Variants in ODAD4 observed in about 807,000 individuals in gnomAD.
ODAD4 encodes outer dynein arm docking complex subunit 4.
A neutral mutation model predicts 51.8 loss-of-function variants in ODAD4; 49 were observed. The observed-to-expected ratio is 0.95, with a 90% CI of 0.75 to 1.20. The LOEUF (loss-of-function observed/expected upper bound fraction) is 1.20. ODAD4 is among the 50% of genes most tolerant of loss of function. The probability of loss-of-function intolerance (pLI) is 0.00; values close to 1 mark genes in which losing one functional copy is unlikely to be tolerated. For missense variants in ODAD4, 590 were observed against 586.5 expected (o/e 1.01, Z -0.06); for synonymous variants, 235 against 221.3 (o/e 1.06, Z -0.55).
chr17:41,963,059 ACT>A (rs1431157807), intron 11 of ODAD4, among the ~76,000 whole-genome samples: 21 of 151,870 alleles, frequency 1.4e-4, no homozygotes, highest in African/African-American at 4.6e-4. Context: ...GTGGAGAGAG[ACT>A]CTGCGGGGAA....
In ODAD4 at chr17:41,930,759, C is replaced by T. The variant is rs782183745; in HGVS notation, c.36C>T (p.Thr12=). 1 of 1,611,504 alleles carries T rather than the reference C, an allele frequency of 6.2e-7. No homozygotes were observed. Among genetic ancestry groups the T allele is most frequent in the African/African-American group, 1.3e-5 (1 of 75,030 alleles). ...SDPEGETLRS[T]FPSYMAEGER... is the part of the protein sequence containing the mutation. ...CCGAAGGCGAGACCTTGCGAAGCACCTTTCCCTCTTATATGGCCGAAGGCG... is the reference window on the plus strand; with the variant it reads ...CCGAAGGCGAGACCTTGCGAAGCACTTTTCCCTCTTATATGGCCGAAGGCG... Residue 12 remains threonine (T), a synonymous_variant, in exon 1 of 12, where the codon ACC becomes ACT. Coordinates refer to ENST00000377540, the MANE Select transcript of ODAD4 (RefSeq NM_031421.5).
In ODAD4 at chr17:41,944,391, TACACACACACACACAC is replaced by T. The variant is rs1158342629; in HGVS notation, c.1059-706_1059-691del. Among the ~76,000 whole-genome samples the T allele has an allele frequency of 2.0e-3, 155 of 78,760 alleles. 4 individuals are homozygous for T. Among genetic ancestry groups the T allele is most frequent in the African/African-American group, 8.0e-3 (120 of 15,082 alleles). The allele number at this position is 78,760 out of a possible 152,430, so 51.7% of individuals were successfully genotyped here. A position where few individuals can be genotyped will look rare whatever the true frequency, so the allele number is the denominator to read the frequency against. On this transcript the variant is annotated intron_variant, in intron 7 of 11. Coordinates refer to ENST00000377540, the MANE Select transcript of ODAD4 (RefSeq NM_031421.5). ...AAAACAAACAAACCCCAAACACACA[TACACACACACACACAC>T]ACACACACACACACACACACACACA...
Position 41,939,069 on chromosome 17 carries a change from G to A in ODAD4, c.955G>A (p.Val319Ile), listed in dbSNP as rs1555638350. ...KEEVPNKDELVGNLYSCIGNA... is the reference protein window; with the variant it reads ...KEEVPNKDELIGNLYSCIGNA... ...AGAGGTACCCAACAAGGATGAACTG[G>A]TTGGAAACTTGTATAGCTGCATAGG... The change falls in exon 7 of 12, where the codon GTT (valine) becomes ATT (isoleucine). Residue 319 changes from valine (V) to isoleucine (I), a missense_variant. Coordinates refer to ENST00000377540, the MANE Select transcript of ODAD4 (RefSeq NM_031421.5). 1 of 1,613,998 alleles carries A rather than the reference G, an allele frequency of 6.2e-7. No individual in the cohort carries two copies. Among genetic ancestry groups the A allele is most frequent in the South Asian group, 1.1e-5 (1 of 91,070 alleles).
Position 41,944,445 on chromosome 17 carries a change from C to CACACACACACA in ODAD4, c.1059-691_1059-690insACACACACACA, listed in dbSNP as rs879985039. Among the ~76,000 whole-genome samples, 3 of 3,520 alleles carry CACACACACACA rather than the reference C, an allele frequency of 8.5e-4. 1 individual carries two copies. Among genetic ancestry groups the CACACACACACA allele is most frequent in the African/African-American group, 1.4e-3 (2 of 1,444 alleles). 2.3% of individuals were successfully genotyped at this position (3,520 alleles called of 152,430 possible). A position where few individuals can be genotyped will look rare whatever the true frequency, so the allele number is the denominator to read the frequency against. The stretch of plus-strand genomic sequence containing the variant: ...ACACACACACACACACACACACACA[C>CACACACACACA]CCCCCCGCATACACAGAAATTGCCT... On this transcript the variant is annotated intron_variant, in intron 7 of 11. Transcript: ENST00000377540.
intron 1 of ODAD4, among the ~76,000 whole-genome samples, chr17:41,934,038 C>CTTTTTTTTTTTTT (rs782039270): frequency 1.2e-4 from 8 of 65,496 alleles, no homozygotes; most frequent in African/African-American, 2.7e-4. Flanking sequence ...TTCTTTCTTT[C>CTTTTTTTTTTTTT]TTTTTTTTTT....
At chr17:41,933,031 C>T (rs2050372580) in intron 1 of ODAD4, among the ~76,000 whole-genome samples, 1 of 151,400 alleles carries the variant, frequency 6.6e-6, no homozygotes, top group South Asian at 2.1e-4. Flanking sequence ...CCCTTTCAGT[C>T]ACCAACCACA....
In ODAD4 at chr17:41,965,894, G is replaced by A. The variant is rs1555642663; in HGVS notation, c.*411G>A. 6.6e-6 allele frequency among the ~76,000 whole-genome samples: 1 copy of A among 152,150 alleles called. No individual in the cohort carries two copies. Among genetic ancestry groups the A allele is most frequent in the South Asian group, 2.1e-4 (1 of 4,828 alleles). ...GGGGAGGCTTTATGGATGGAACAGTGGTGGGGCGGCCCCAGCTGTCACAGG... is the reference window on the plus strand; with the variant it reads ...GGGGAGGCTTTATGGATGGAACAGTAGTGGGGCGGCCCCAGCTGTCACAGG... On this transcript the variant is annotated 3_prime_UTR_variant, in exon 12 of 12. Transcript: ENST00000377540.
Position 41,935,645 on chromosome 17 carries a change from A to G in ODAD4, c.293A>G (p.Glu98Gly), listed in dbSNP as rs1555637651. The change falls in exon 3 of 12, where the codon GAG becomes GGG. Residue 98 changes from glutamate (E) to glycine (G), a missense_variant. Transcript: ENST00000377540. ...ACACTGTACACCATGGGAGACTTTG[A>G]GTTTGCCTTGGTATTCTATCATCGA... is the stretch of plus-strand genomic sequence containing the variant. ...AETLYTMGDF[E>G]FALVFYHRGY... 3 of 1,613,384 alleles carry G rather than the reference A, an allele frequency of 1.9e-6. No homozygotes were observed. The Admixed American group carries it at 5.0e-5, about 27-fold the overall frequency.
intron 7 of ODAD4, among the ~76,000 whole-genome samples, chr17:41,939,742 A>C (rs1442611950): frequency 1.3e-5 from 2 of 152,176 alleles, no homozygotes; most frequent in African/African-American, 4.8e-5. Context: ...AGGGGCCAAG[A>C]GGAGGCTGAA....
At chr17:41,935,141 T>G in intron 1 of ODAD4, 76 bp from the exon 2 acceptor site, 1 of 1,573,946 alleles carries the variant, frequency 6.4e-7, no homozygotes. Flanking sequence ...TGCAGGAGGG[T>G]TTGGGCTGCC....
intron 5 of ODAD4, 200 bp downstream of exon 5, chr17:41,937,127 A>G (rs1719029600): frequency 1.7e-6 from 1 of 593,200 alleles, no homozygotes. Flanking sequence ...TAGGTAGGCA[A>G]TGACATGGCT....
At chr17:41,935,885 C>A in intron 3 of ODAD4, 136 bp downstream of exon 3, 2 of 1,083,102 alleles carry the variant, frequency 1.8e-6, no homozygotes, top group Non-Finnish European at 2.6e-6. Flanking sequence ...TTGGCTGCTG[C>A]AGTGTTGTTG....
chr17:41,935,542 A>G (rs1555637613), intron 2 of ODAD4, 57 bp from the exon 3 acceptor site: 5 of 1,570,612 alleles, frequency 3.2e-6, no homozygotes, highest in Non-Finnish European at 4.3e-6. Flanking sequence ...GTTCCACCAC[A>G]TGTGAGTCCT....
chr17:41,955,309 A>C lies in ODAD4; in HGVS notation c.1435A>C (p.Ile479Leu). Residue 479 changes from isoleucine (I) to leucine (L), a missense_variant, in exon 10 of 12, where the codon ATC (isoleucine) becomes CTC (leucine). By Grantham distance (5) the Ile-to-Leu change is conservative. This residue lies in a region of ODAD4 where 226 missense variants were observed against 162.7 expected (regional missense o/e 1.39). Coordinates refer to ENST00000377540, the MANE Select transcript of ODAD4 (RefSeq NM_031421.5). ...LVHNNEAQQAIISALDDANKG... is the reference protein window; with the variant it reads ...LVHNNEAQQALISALDDANKG... ...GCATAACAACGAGGCGCAGCAGGCC[A>C]TCATCAGTGTGAGCCTTTCCACCCG... 1.3e-6 allele frequency: 1 copy of C among 778,030 alleles called. No individual in the cohort carries two copies. The highest frequency in any genetic ancestry group is 2.4e-6 in the Non-Finnish European group (1 of 416,964). The allele number at this position is 778,030 out of a possible 1,614,324, so 48.2% of individuals were successfully genotyped here.
intron 9 of ODAD4, chr17:41,954,958 A>G: frequency 1.8e-6 from 1 of 561,698 alleles, no homozygotes; most frequent in Non-Finnish European, 3.3e-6. Context: ...AGACTGCACC[A>G]CAGTCCCCTT....
rs1555638378 is a variant in ODAD4 at position 41,939,161 on chromosome 17, C to T, written c.1047C>T (p.Ile349=). ...ALQSHRKDLE[I]AKEYDLPDAK... Reference sequence around the variant, plus strand: ...AGAGCCACAGAAAGGACCTGGAGATCGCCAAGGAATAGTGAGTGCCCTAGG... The same window carrying T: ...AGAGCCACAGAAAGGACCTGGAGATTGCCAAGGAATAGTGAGTGCCCTAGG... Residue 349 remains isoleucine (I), a synonymous_variant, in exon 7 of 12, where the codon ATC becomes ATT. Transcript: ENST00000377540. 3.7e-6 allele frequency: 6 copies of T among 1,613,452 alleles called. No homozygotes were observed. The highest frequency in any genetic ancestry group is 2.2e-5 in the East Asian group (1 of 44,882).
At chr17:41,945,467 A>G (rs2050573360) in intron 8 of ODAD4, among the ~76,000 whole-genome samples, 1 of 151,990 alleles carries the variant, frequency 6.6e-6, no homozygotes, top group African/African-American at 2.4e-5. Context: ...AGACATGATC[A>G]CACTACTGCA....
intron 5 of ODAD4, among the ~76,000 whole-genome samples, chr17:41,937,294 C>T (rs543231593): frequency 4.7e-4 from 72 of 152,302 alleles, no homozygotes; most frequent in African/African-American, 1.7e-3. Flanking sequence ...AGGAATCCAG[C>T]GGATATGTGC....
chr17:41,936,886 A>G lies in ODAD4; in HGVS notation c.584A>G (p.Tyr195Cys), dbSNP rs367688207. 1.9e-6 allele frequency: 3 copies of G among 1,613,860 alleles called. No individual in the cohort carries two copies. Among genetic ancestry groups the G allele is most frequent in the African/African-American group, 2.7e-5 (2 of 74,934 alleles). ...KTVRQLLGEL[Y>C]VDKEYLEKLL... is the part of the protein sequence containing the mutation. ...GTCCGCCAGCTTCTGGGGGAGCTCT[A>G]CGTGGACAAAGAGTATTTGGAGAAG... Residue 195 changes from tyrosine (Y) to cysteine (C), a missense_variant, in exon 5 of 12, where the codon TAC (tyrosine) becomes TGC (cysteine). Physicochemically the swap from Tyr to Cys is radical, Grantham distance 194. This residue lies in a region of ODAD4 where 360 missense variants were observed against 407.5 expected (regional missense o/e 0.88). Transcript: ENST00000377540.
Sources: allele counts gnomAD v4.1 joint callset (sites outside exome capture counted in the v4.1 genomes callset), GRCh38; gene constraint gnomAD v4.1.1; regional missense constraint gnomAD v4.1.1; transcripts MANE v1.5; gene names NCBI Gene and HGNC (gene_info 2026-07-23, HGNC 2026-07-21).